RAPGEF5: variants seen among roughly 807,000 people sequenced by gnomAD.
The protein encoded by RAPGEF5 is Rap guanine nucleotide exchange factor 5.
Under a neutral mutation model 125.2 loss-of-function variants are expected in RAPGEF5, and 65 were observed. The ratio of observed to expected loss-of-function variants is 0.52; its 90% confidence interval spans 0.43 to 0.64. The LOEUF (loss-of-function observed/expected upper bound fraction) is 0.64. Ranked by LOEUF, RAPGEF5 falls within the 30% of genes least tolerant of loss-of-function variation. The pLI is 0.00. For missense variants in RAPGEF5, 958 were observed against 1,048.1 expected (o/e 0.91, Z 1.19); for synonymous variants, 391 against 385.9 (o/e 1.01, Z -0.16).
intron 11 of RAPGEF5, among the ~76,000 whole-genome samples, chr7:22,184,815 A>C (rs980552486): frequency 6.6e-6 from 1 of 152,228 alleles, no homozygotes; most frequent in African/African-American, 2.4e-5. Flanking sequence ...GTGAGAATAG[A>C]TTAACCCAGA....
At chr7:22,318,594 T>C (rs1783650906) in intron 1 of RAPGEF5, among the ~76,000 whole-genome samples, 1 of 152,200 alleles carries the variant, frequency 6.6e-6, no homozygotes, top group Non-Finnish European at 1.5e-5. Flanking sequence ...CAGTATTCTC[T>C]TTCCAACTCC....
At chr7:22,334,263 G>A (rs1266887615) in intron 1 of RAPGEF5, among the ~76,000 whole-genome samples, 1 of 143,578 alleles carries the variant, frequency 7.0e-6, no homozygotes, top group East Asian at 2.0e-4. Context: ...AACAATAGGA[G>A]GAAAGAGAAA....
chr7:22,214,478 A>G (rs1785584695), intron 9 of RAPGEF5, among the ~76,000 whole-genome samples: 1 of 152,218 alleles, frequency 6.6e-6, no homozygotes, highest in African/African-American at 2.4e-5. Flanking sequence ...AATTTAATAC[A>G]CTACAAAGCA....
chr7:22,273,282 A>C (rs1288724899), intron 6 of RAPGEF5, among the ~76,000 whole-genome samples: 2 of 137,058 alleles, frequency 1.5e-5, no homozygotes, highest in Non-Finnish European at 1.5e-5. Context: ...GCAGTGGCGC[A>C]ATCTCGGCTC....
chr7:22,248,140 T>A (rs778112167), intron 7 of RAPGEF5, among the ~76,000 whole-genome samples: 14 of 152,158 alleles, frequency 9.2e-5, no homozygotes, highest in South Asian at 2.1e-4. Flanking sequence ...AATTTTTTTT[T>A]AAAATCATCA....
intron 6 of RAPGEF5, among the ~76,000 whole-genome samples, chr7:22,273,860 A>G (rs1782498310): frequency 6.6e-6 from 1 of 152,240 alleles, no homozygotes; most frequent in African/African-American, 2.4e-5. Context: ...AATGGACTCC[A>G]GAAAGATCAA....
At chr7:22,279,631 C>T (rs1782631049) in intron 6 of RAPGEF5, among the ~76,000 whole-genome samples, 1 of 152,118 alleles carries the variant, frequency 6.6e-6, no homozygotes, top group African/African-American at 2.4e-5. Context: ...TCTGTAAAAC[C>T]ATGTCGGCAA....
At chr7:22,202,945 T>A (rs1267874544) in intron 9 of RAPGEF5, 1 of 345,880 alleles carries the variant, frequency 2.9e-6, no homozygotes, top group East Asian at 8.9e-5. Context: ...ACAAACTATA[T>A]TGTAACTGTA....
intron 8 of RAPGEF5, among the ~76,000 whole-genome samples, chr7:22,225,947 T>C (rs1583496567): frequency 6.6e-6 from 1 of 152,058 alleles, no homozygotes; most frequent in South Asian, 2.1e-4. Context: ...ATAAATGTAG[T>C]CATAAAAATG....
intron 1 of RAPGEF5, chr7:22,356,127 G>A (rs1784415709): frequency 2.0e-6 from 2 of 985,258 alleles, no homozygotes; most frequent in South Asian, 4.7e-5. Context: ...TACAAAACAT[G>A]CCTGACCTGC....
At position 22,152,947 on chromosome 7, in the gene RAPGEF5, T is replaced by C. The variant is rs535153044; in HGVS notation, c.1786+1508A>G. Among the ~76,000 whole-genome samples, 10 of 152,350 alleles carry C rather than the reference T, an allele frequency of 6.6e-5. No individual in the cohort carries two copies. The South Asian group carries it at 1.2e-3, about 19-fold the overall frequency. ...TTCTAGTGATGATTAGCAATGGGTC[T>C]ATAGACATTACAACGCTATTGCCCA... On this transcript the variant is annotated intron_variant, in intron 17 of 25. Coordinates refer to ENST00000665637, the MANE Select transcript of RAPGEF5 (RefSeq NM_012294.5).
chr7:22,298,827 C>T (rs1247609111), intron 5 of RAPGEF5: 2 of 152,120 alleles, frequency 1.3e-5, no homozygotes, highest in African/African-American at 4.8e-5. Context: ...GTTGAAGGAC[C>T]ATAGGTAGTT....
chr7:22,145,967 C>CGTGCGTGT (rs1554317374), intron 19 of RAPGEF5, among the ~76,000 whole-genome samples: 24 of 143,882 alleles, frequency 1.7e-4, no homozygotes, highest in African/African-American at 5.8e-4. Flanking sequence ...TGTTTGTGTG[C>CGTGCGTGT]GTGTGTGTGT....
chr7:22,153,486 G>A (rs1019439282), intron 17 of RAPGEF5, among the ~76,000 whole-genome samples: 2 of 152,060 alleles, frequency 1.3e-5, no homozygotes, highest in African/African-American at 2.4e-5. Flanking sequence ...TTATGTATTA[G>A]GCCCAGGGAG....
At chr7:22,335,686 A>G in intron 1 of RAPGEF5, among the ~76,000 whole-genome samples, 1 of 110,136 alleles carries the variant, frequency 9.1e-6, no homozygotes. Flanking sequence ...AAAACAAGAA[A>G]CAAGCAAAAA....
chr7:22,194,530 C>G, intron 9 of RAPGEF5: 1 of 918,632 alleles, frequency 1.1e-6, no homozygotes, highest in Non-Finnish European at 1.3e-6. Flanking sequence ...TACTTTACAC[C>G]CTTACTTTAA....
intron 1 of RAPGEF5, among the ~76,000 whole-genome samples, chr7:22,350,377 T>C (rs536888199): frequency 2.8e-4 from 42 of 152,354 alleles, no homozygotes; most frequent in African/African-American, 8.7e-4. Context: ...GAATCCAACA[T>C]TGCATATGAA....
At chr7:22,182,258 TGA>T (rs1004625348) in intron 11 of RAPGEF5, among the ~76,000 whole-genome samples, 8 of 152,168 alleles carry the variant, frequency 5.3e-5, no homozygotes, top group African/African-American at 1.9e-4. Context: ...ACAAGATCTC[TGA>T]GAGAGAGAAA....
At chr7:22,353,186 T>C (rs1420543689) in intron 1 of RAPGEF5, among the ~76,000 whole-genome samples, 1 of 152,190 alleles carries the variant, frequency 6.6e-6, no homozygotes, top group African/African-American at 2.4e-5. Flanking sequence ...TAGGATGTTC[T>C]ACAGCACAAA....
Sources: allele counts gnomAD v4.1 joint callset (sites outside exome capture counted in the v4.1 genomes callset), GRCh38; gene constraint gnomAD v4.1.1; transcripts MANE v1.5; gene names NCBI Gene and HGNC (gene_info 2026-07-23, HGNC 2026-07-21).